Variants in HOMER2 observed in about 807,000 individuals in gnomAD.
HOMER2 encodes homer scaffold protein 2, also known as homer protein homolog 2.
Under a neutral mutation model 47.0 loss-of-function variants are expected in HOMER2, and 27 were observed. The observed-to-expected ratio is 0.57, with a 90% CI of 0.42 to 0.79. HOMER2 has a LOEUF of 0.79. Among genes scored for constraint, HOMER2 ranks in the 30% least tolerant of loss-of-function variants. The pLI is 0.00. For synonymous variants in HOMER2, 161 were observed against 163.8 expected, an observed-to-expected ratio of 0.98 and a Z score of 0.13; for missense variants, 443 against 435.0, an observed-to-expected ratio of 1.02 and a Z score of -0.16.
At chr15:82,838,503 G>A (rs1596293632) in exon 2 of HOMER2, 1 of 152,372 alleles carries the variant, frequency 6.6e-6, no homozygotes, top group Non-Finnish European at 1.5e-5. Flanking sequence ...TGAAGTCATT[G>A]TGGCGCCAGA....
chr15:82,970,739 A>G (rs772878728), intron 1 of HOMER2, among the ~76,000 whole-genome samples: 51 of 152,358 alleles, frequency 3.3e-4, no homozygotes, highest in Non-Finnish European at 3.7e-4. Flanking sequence ...AAATGGAGTC[A>G]GCTGTGTAAG....
exon 2 of HOMER2, chr15:82,958,455 T>A (rs2054604239): frequency 6.6e-6 from 1 of 152,266 alleles, no homozygotes; most frequent in African/African-American, 2.4e-5. Flanking sequence ...GGGACCACTC[T>A]GTGAAAGACC....
At position 82,974,114 on chromosome 15, in the gene HOMER2, C is replaced by T. The variant is rs538367225; in HGVS notation, n.82+11673G>A. On this transcript the variant is annotated intron_variant and non_coding_transcript_variant, in intron 1 of 1. Coordinates refer to the HOMER2 transcript ENST00000500334. ...CCAATGTCCTTCCCACTTAAAAATACTAAAGATCAGCCAGCCGTGGTAGCT... is the reference window on the plus strand; with the variant it reads ...CCAATGTCCTTCCCACTTAAAAATATTAAAGATCAGCCAGCCGTGGTAGCT... 5.9e-5 allele frequency among the ~76,000 whole-genome samples: 9 copies of T among 151,868 alleles called. No individual in the cohort carries two copies. In the East Asian group the frequency reaches 1.7e-3, roughly 29 times the overall value.
chr15:82,944,702 G>A (rs1395221469), intron 1 of HOMER2, among the ~76,000 whole-genome samples: 1 of 151,552 alleles, frequency 6.6e-6, no homozygotes, highest in Non-Finnish European at 1.5e-5. Flanking sequence ...TTAGATGTTT[G>A]TGCAGGCTGT....
chr15:82,941,509 T>C (rs1467923031), intron 1 of HOMER2, among the ~76,000 whole-genome samples: 2 of 151,190 alleles, frequency 1.3e-5, no homozygotes, highest in African/African-American at 4.9e-5. Flanking sequence ...ACTGAAAATG[T>C]TCCCTTACTG....
intron 1 of HOMER2, among the ~76,000 whole-genome samples, chr15:82,935,100 G>T (rs867495729): frequency 6.6e-6 from 1 of 152,074 alleles, no homozygotes; most frequent in African/African-American, 2.4e-5. Context: ...AACTGGCAGC[G>T]CTCCCCTCAC....
At chr15:82,985,247 C>T (rs1195624930) in intron 1 of HOMER2, among the ~76,000 whole-genome samples, 1 of 152,054 alleles carries the variant, frequency 6.6e-6, no homozygotes, top group Non-Finnish European at 1.5e-5. Context: ...AGTTAATAAA[C>T]TTGACCTTTA....
chr15:82,857,630 C>T (rs1257662333), intron 5 of HOMER2, among the ~76,000 whole-genome samples: 3 of 151,930 alleles, frequency 2.0e-5, no homozygotes, highest in Non-Finnish European at 4.4e-5. Flanking sequence ...GGGGTTTCAC[C>T]GTGTTGCCCA....
At chr15:82,868,238 C>T (rs917793953) in intron 3 of HOMER2, among the ~76,000 whole-genome samples, 2 of 151,448 alleles carry the variant, frequency 1.3e-5, no homozygotes, top group Admixed American at 1.3e-4. Flanking sequence ...TAGACCTTTG[C>T]CAGATGCACA....
chr15:82,869,229 C>T (rs959648249), intron 3 of HOMER2, among the ~76,000 whole-genome samples: 1 of 152,100 alleles, frequency 6.6e-6, no homozygotes, highest in Non-Finnish European at 1.5e-5. Context: ...CAAGAACCTT[C>T]CCAGGTGGAG....
At chr15:82,868,537 ATATATTTT>A (rs1490091928) in intron 3 of HOMER2, among the ~76,000 whole-genome samples, 3 of 60,860 alleles carry the variant, frequency 4.9e-5, no homozygotes, top group East Asian at 3.5e-4. Flanking sequence ...ATATATATAT[ATATATTTT>A]TTTTTTTTTT....
chr15:82,975,071 GA>G (rs894721380), intron 1 of HOMER2, among the ~76,000 whole-genome samples: 1 of 151,282 alleles, frequency 6.6e-6, no homozygotes, highest in African/African-American at 2.4e-5. Context: ...GTCTCAAAAA[GA>G]AAAAAAAGAC....
chr15:82,906,346 T>A (rs1305890302), intron 1 of HOMER2, among the ~76,000 whole-genome samples: 1 of 151,726 alleles, frequency 6.6e-6, no homozygotes, highest in Non-Finnish European at 1.5e-5. Flanking sequence ...TGATATCAAA[T>A]CACCTTAAAT....
chr15:82,978,720 T>C (rs912206006), intron 1 of HOMER2, among the ~76,000 whole-genome samples: 3 of 152,036 alleles, frequency 2.0e-5, no homozygotes, highest in African/African-American at 7.2e-5. Flanking sequence ...TCATGAGATC[T>C]GACAGTTTTT....
intron 1 of HOMER2, among the ~76,000 whole-genome samples, chr15:82,976,925 C>T (rs532753272): frequency 6.6e-6 from 1 of 152,070 alleles, no homozygotes; most frequent in African/African-American, 2.4e-5. Context: ...ATCTGCCCCC[C>T]TCGGCCTCCC....
chr15:82,953,282 A>AAGAGCC, upstream of HOMER2, among the ~76,000 whole-genome samples: 1 of 152,104 alleles, frequency 6.6e-6, no homozygotes, highest in Non-Finnish European at 1.5e-5. Context: ...GCCGCGGCAG[A>AAGAGCC]TGCTCTGGGC....
intron 1 of HOMER2, among the ~76,000 whole-genome samples, chr15:82,976,990 T>G (rs535005244): frequency 1.3e-5 from 2 of 152,226 alleles, no homozygotes; most frequent in East Asian, 3.9e-4. Flanking sequence ...TCCACATTTT[T>G]TTTTAACTCT....
exon 2 of HOMER2, chr15:82,842,633 G>A (rs2151584358): frequency 6.6e-6 from 1 of 152,086 alleles, no homozygotes; most frequent in South Asian, 2.1e-4. Context: ...TACTAGGCAA[G>A]TTTTGAAAAA....
At chr15:82,924,264 G>A (rs2053803422) in intron 1 of HOMER2, among the ~76,000 whole-genome samples, 1 of 151,836 alleles carries the variant, frequency 6.6e-6, no homozygotes, top group Non-Finnish European at 1.5e-5. Context: ...ATCTTCTAGA[G>A]TTTATTCTCC....
Sources: allele counts gnomAD v4.1 joint callset (sites outside exome capture counted in the v4.1 genomes callset), GRCh38; gene constraint gnomAD v4.1.1; transcripts MANE v1.5; gene names NCBI Gene and HGNC (gene_info 2026-07-23, HGNC 2026-07-21).